Variants in CCDC9 observed in about 807,000 individuals in gnomAD.
CCDC9 encodes the protein coiled-coil domain-containing protein 9.
Under a neutral mutation model 65.6 loss-of-function variants are expected in CCDC9, and 52 were observed. The observed-to-expected ratio is 0.79, with a 90% CI of 0.63 to 1.00. The LOEUF (loss-of-function observed/expected upper bound fraction) is 1.00. CCDC9 is among the 50% of genes least tolerant of loss of function. CCDC9 has a pLI of 0.00. For synonymous variants in CCDC9, 332 were observed against 280.3 expected (o/e 1.18, Z -1.84); for missense variants, 834 against 757.2 (o/e 1.10, Z -1.19).
At position 47,264,618 on chromosome 19, in the gene CCDC9, C is replaced by T. The variant is rs770418476; in HGVS notation, c.478C>T (p.Arg160Cys). The change falls in exon 6 of 12, where the codon CGC becomes TGC. Residue 160 changes from arginine (R) to cysteine (C), a missense_variant. By Grantham distance (180) the Arg-to-Cys change is radical. Transcript: ENST00000221922. ...ATCCCCCCAGGAGTGGGAGGAGCGG[C>T]GCAGGCAGAACATTGAGAAGATGAA... The part of the protein sequence containing the change: ...DRKSKEWEER[R>C]RQNIEKMNEE... 13 of 1,599,360 alleles carry T rather than the reference C, an allele frequency of 8.1e-6. No homozygotes were observed. Among genetic ancestry groups the T allele is most frequent in the African/African-American group, 1.3e-5 (1 of 74,760 alleles).
chr19:47,257,214 G>A (rs944298839), intron 1 of CCDC9, among the ~76,000 whole-genome samples: 7 of 151,562 alleles, frequency 4.6e-5, no homozygotes, highest in African/African-American at 1.7e-4. Flanking sequence ...GCAACGAGGT[G>A]TGGGAGGGAG....
chr19:47,275,185 C>T (rs1032439065), downstream of CCDC9: 22 of 1,475,890 alleles, frequency 1.5e-5, no homozygotes, highest in African/African-American at 2.7e-4. Context: ...CCGGCGCCCG[C>T]CGCTGCCTCC....
At chr19:47,272,621 C>CA (rs1451803303), downstream of CCDC9, among the ~76,000 whole-genome samples, 1 of 152,056 alleles carries the variant, frequency 6.6e-6, no homozygotes, top group East Asian at 1.9e-4. Context: ...GACTCCGTCT[C>CA]AAAAAAGGTG....
chr19:47,264,951 G>C lies in CCDC9; in HGVS notation c.720+5G>C. 1 of 1,440,448 alleles carries C rather than the reference G, an allele frequency of 6.9e-7. No homozygotes were observed. Among genetic ancestry groups the C allele is most frequent in the Non-Finnish European group, 9.1e-7 (1 of 1,100,582 alleles). 89.2% of individuals were successfully genotyped at this position (1,440,448 alleles called of 1,614,324 possible). On this transcript the variant is annotated splice_donor_5th_base_variant and intron_variant, in intron 7 of 11. Transcript: ENST00000221922. ...GGCCTTGAGCACGAGCGGCAGGTGG[G>C]TGTTGGCAGTGAGGACACCTCGGGG...
At chr19:47,260,120 T>C (rs1201692803) in intron 3 of CCDC9, among the ~76,000 whole-genome samples, 1 of 152,038 alleles carries the variant, frequency 6.6e-6, no homozygotes, top group Non-Finnish European at 1.5e-5. Context: ...TGGGGAAGGC[T>C]GTTACTCAGA....
rs753096066 is a variant in CCDC9, at chr19:47,264,702, G to T, written c.546+16G>T. ...CAACCAGCGGGTCAGTGGTGCGGGTGTCCCCGAGGCAGGGCCGAGCTGCCT... is the reference window on the plus strand; with the variant it reads ...CAACCAGCGGGTCAGTGGTGCGGGTTTCCCCGAGGCAGGGCCGAGCTGCCT... On this transcript the variant is annotated intron_variant, in intron 6 of 11. Coordinates refer to ENST00000221922, the MANE Select transcript of CCDC9 (RefSeq NM_015603.3). The T allele has an allele frequency of 1.9e-6, 3 of 1,602,830 alleles. No homozygotes were observed. In the African/African-American group the frequency reaches 4.0e-5, roughly 21 times the overall value.
At chr19:47,257,155 G>C (rs1428002297) in intron 1 of CCDC9, among the ~76,000 whole-genome samples, 1 of 151,830 alleles carries the variant, frequency 6.6e-6, no homozygotes, top group Non-Finnish European at 1.5e-5. Context: ...GGGAAGCGGG[G>C]AGTTGAGCCA....
rs2059125341 is a variant in CCDC9 at position 47,271,761 on chromosome 19, TAGAGGG to T, written c.*84_*89del. On this transcript the variant is annotated 3_prime_UTR_variant, in exon 12 of 12. Coordinates refer to ENST00000221922, the MANE Select transcript of CCDC9 (RefSeq NM_015603.3). Reference sequence around the variant, plus strand: ...CGCGCGCGCGCGCGCGCGCGCGCGCTAGAGGGGTGTGGCTGGTGGGGGACCCTTGGG... The same window carrying T: ...CGCGCGCGCGCGCGCGCGCGCGCGCTGTGTGGCTGGTGGGGGACCCTTGGG... 4.5e-6 allele frequency: 6 copies of T among 1,329,824 alleles called. No individual in the cohort carries two copies. In the Admixed American group the frequency reaches 1.4e-4, roughly 32 times the overall value. The allele number at this position is 1,329,824 out of a possible 1,614,324, so 82.4% of individuals were successfully genotyped here.
intron 3 of CCDC9, among the ~76,000 whole-genome samples, chr19:47,260,054 G>A (rs1047890423): frequency 6.6e-6 from 1 of 152,192 alleles, no homozygotes; most frequent in Non-Finnish European, 1.5e-5. Flanking sequence ...TGGGGAGAGG[G>A]TGAGAGATGA....
chr19:47,273,760 C>T (rs2059138966), downstream of CCDC9: 1 of 326,466 alleles, frequency 3.1e-6, no homozygotes, highest in East Asian at 4.9e-5. Context: ...CGAGGCCTGG[C>T]AGCCGGTGAC....
At chr19:47,260,996 CCTT>C (rs1282706287) in intron 5 of CCDC9, among the ~76,000 whole-genome samples, 157 bp downstream of exon 5, 4 of 152,138 alleles carry the variant, frequency 2.6e-5, no homozygotes, top group Admixed American at 2.6e-4. Context: ...TCCTCCACCT[CCTT>C]CTCCTCCTCC....
chr19:47,259,161 C>T (rs571254006), intron 3 of CCDC9, among the ~76,000 whole-genome samples: 38 of 152,286 alleles, frequency 2.5e-4, no homozygotes, highest in African/African-American at 8.7e-4. Context: ...GCAGAAAGAA[C>T]AGTTTGTGCA....
At chr19:47,270,519 T>C (rs1423580597) in intron 9 of CCDC9, 34 bp from the exon 10 acceptor site, 1 of 1,614,006 alleles carries the variant, frequency 6.2e-7, no homozygotes, top group African/African-American at 1.3e-5. Context: ...GTGCCACACC[T>C]TCCCTTCCCA....
chr19:47,272,138 A>C (rs924741146), downstream of CCDC9: 21 of 1,236,676 alleles, frequency 1.7e-5, no homozygotes, highest in African/African-American at 2.8e-4. Context: ...GAAGCTGAAG[A>C]GGAAGGGTCT....
rs745944867 is a variant in CCDC9, at chr19:47,258,350, A to G, written c.-51A>G. The G allele has an allele frequency of 5.0e-5, 81 of 1,608,918 alleles. No homozygotes were observed. The highest frequency in any genetic ancestry group is 1.3e-4 in the South Asian group (12 of 90,960). ...CCCAGGAACCCTCAGTGCTGCGTCT[A>G]GATTCTGCAGGGGAGGTTTGCTGGG... On this transcript the variant is annotated 5_prime_UTR_variant, in exon 2 of 12. Coordinates refer to ENST00000221922, the MANE Select transcript of CCDC9 (RefSeq NM_015603.3).
At chr19:47,260,928 G>A in intron 5 of CCDC9, 89 bp downstream of exon 5, 1 of 1,443,322 alleles carries the variant, frequency 6.9e-7, no homozygotes, top group South Asian at 1.3e-5. Context: ...CATTTGTCCT[G>A]TGTGTCCATC....
Position 47,264,818 on chromosome 19 carries a change from C to A in CCDC9, c.592C>A (p.Pro198Thr). 1 of 1,566,378 alleles carries A rather than the reference C, an allele frequency of 6.4e-7. No homozygotes were observed. The highest frequency in any genetic ancestry group is 1.2e-5 in the South Asian group (1 of 84,116). The change falls in exon 7 of 12, where the codon CCC (proline) becomes ACC (threonine). Residue 198 changes from proline to threonine, a missense_variant. Pro to Thr is a conservative substitution (Grantham distance 38). Coordinates refer to ENST00000221922, the MANE Select transcript of CCDC9 (RefSeq NM_015603.3). ...PNPVRNFLDD[P>T]RRRSGPLEES... Reference sequence around the variant, plus strand: ...CCCAGTGCGGAACTTCCTGGACGACCCCCGGCGACGCAGCGGGCCCCTGGA... The same window carrying A: ...CCCAGTGCGGAACTTCCTGGACGACACCCGGCGACGCAGCGGGCCCCTGGA...
At chr19:47,264,752 C>A in intron 6 of CCDC9, 21 bp from the exon 7 acceptor site, 1 of 1,605,938 alleles carries the variant, frequency 6.2e-7, no homozygotes, top group Non-Finnish European at 8.5e-7. Flanking sequence ...CCGCGCCAAC[C>A]CCCTGCTCTG....
downstream of CCDC9, chr19:47,274,646 G>A (rs2059144554): frequency 4.2e-6 from 1 of 239,764 alleles, no homozygotes; most frequent in Non-Finnish European, 7.5e-6. Flanking sequence ...GTGGCGGGAG[G>A]AGGCGGTGAT....
Sources: allele counts gnomAD v4.1 joint callset (sites outside exome capture counted in the v4.1 genomes callset), GRCh38; gene constraint gnomAD v4.1.1; transcripts MANE v1.5; gene names NCBI Gene and HGNC (gene_info 2026-07-23, HGNC 2026-07-21).